Variants in NAV2 observed in about 807,000 individuals in gnomAD.
The protein encoded by NAV2 is helicase, APC down-regulated 1.
Under a neutral mutation model 223.2 loss-of-function variants are expected in NAV2, and 54 were observed. The observed-to-expected ratio is 0.24, with a 90% CI of 0.19 to 0.30. NAV2 has a LOEUF of 0.30. Among genes scored for constraint, NAV2 ranks in the 10% least tolerant of loss-of-function variants. The pLI, the probability that NAV2 is intolerant of heterozygous loss-of-function variation, is 1.00. For synonymous variants in NAV2, 1,279 were observed against 1,239.3 expected, an observed-to-expected ratio of 1.03 and a Z score of -0.67; for missense variants, 2,806 against 3,147.5, an observed-to-expected ratio of 0.89 and a Z score of 2.60.
chr11:19,431,768 A>C (rs1851045107), intron 1 of NAV2, among the ~76,000 whole-genome samples: 1 of 152,238 alleles, frequency 6.6e-6, no homozygotes, highest in South Asian at 2.1e-4. Context: ...GAAATATAGT[A>C]AGCCAAGATT....
chr11:19,611,864 T>C (rs1170562519), intron 1 of NAV2, among the ~76,000 whole-genome samples: 1 of 152,240 alleles, frequency 6.6e-6, no homozygotes, highest in East Asian at 1.9e-4. Context: ...ACAGCTACAC[T>C]AGGCAGTGCC....
intron 1 of NAV2, among the ~76,000 whole-genome samples, chr11:19,818,634 C>A (rs188118582): frequency 1.3e-5 from 2 of 152,266 alleles, no homozygotes; most frequent in East Asian, 3.9e-4. Context: ...GAAAATGTTA[C>A]AACCAACTCT....
intron 1 of NAV2, among the ~76,000 whole-genome samples, chr11:19,633,281 G>T (rs1011161205): frequency 3.3e-5 from 5 of 152,234 alleles, no homozygotes; most frequent in African/African-American, 7.2e-5. Flanking sequence ...GCAAGTGAAG[G>T]CTTGACCTGG....
chr11:19,655,363 A>G (rs1035938264), intron 1 of NAV2, among the ~76,000 whole-genome samples: 1 of 152,146 alleles, frequency 6.6e-6, no homozygotes, highest in Non-Finnish European at 1.5e-5. Flanking sequence ...AACTAGAAAT[A>G]CCATTTGACC....
At chr11:19,361,451 C>T (rs1853935589) in intron 1 of NAV2, among the ~76,000 whole-genome samples, 1 of 152,040 alleles carries the variant, frequency 6.6e-6, no homozygotes, top group Admixed American at 6.5e-5. Flanking sequence ...TCATTGACTT[C>T]TTGGTCTATC....
chr11:20,077,982 C>A lies in NAV2; in HGVS notation c.5068-11C>A. On this transcript the variant is annotated splice_polypyrimidine_tract_variant and intron_variant, in intron 23 of 37. Transcript: ENST00000349880. Reference sequence around the variant, plus strand: ...ATTTTAGGCTGACCAATAATTTTTTCTGTTCCCTAGGACTCAGAACTGAAT... The same window carrying A: ...ATTTTAGGCTGACCAATAATTTTTTATGTTCCCTAGGACTCAGAACTGAAT... The A allele has an allele frequency of 1.2e-6, 2 of 1,601,968 alleles. No homozygotes were observed. The highest frequency in any genetic ancestry group is 1.7e-6 in the Non-Finnish European group (2 of 1,169,734).
chr11:19,877,472 T>TCTTTTTTTTTTTCTTTTTTCTTTTC (rs2062915172), intron 4 of NAV2, among the ~76,000 whole-genome samples: 1 of 117,838 alleles, frequency 8.5e-6, no homozygotes. Flanking sequence ...TCTTCATTCT[T>TCTTTTTTTTTTTCTTTTTTCTTTTC]TTTTTTTTTT....
At chr11:19,529,093 G>T (rs2043943725) in intron 1 of NAV2, among the ~76,000 whole-genome samples, 1 of 152,136 alleles carries the variant, frequency 6.6e-6, no homozygotes, top group South Asian at 2.1e-4. Flanking sequence ...AGGTCGGAAA[G>T]AACTTAATCT....
In NAV2 at chr11:19,799,501, C is replaced by T. The variant is rs187140261; in HGVS notation, c.268-32983C>T. Among the ~76,000 whole-genome samples, 298 of 139,092 alleles carry T rather than the reference C, an allele frequency of 2.1e-3. 2 individuals carry two copies. The highest frequency in any genetic ancestry group is 7.6e-3 in the African/African-American group (286 of 37,796). The allele number at this position is 139,092 out of a possible 152,430, so 91.2% of individuals were successfully genotyped here. A position where few individuals can be genotyped will look rare whatever the true frequency, so the allele number is the denominator to read the frequency against. On this transcript the variant is annotated intron_variant, in intron 1 of 37. Coordinates refer to ENST00000349880, the MANE Select transcript of NAV2 (RefSeq NM_145117.5). Reference sequence around the variant, plus strand: ...AATCAGTTGCCCTGTACAATGAACCCGGTATCTCCCAAATTAGGTGCTGGG... The same window carrying T: ...AATCAGTTGCCCTGTACAATGAACCTGGTATCTCCCAAATTAGGTGCTGGG...
At chr11:19,397,779 G>C in intron 1 of NAV2, among the ~76,000 whole-genome samples, 1 of 152,262 alleles carries the variant, frequency 6.6e-6, no homozygotes, top group South Asian at 2.1e-4. Context: ...GGTGAGGTAC[G>C]TCTCCCCTCT....
At chr11:20,052,810 G>A (rs147770533) in intron 17 of NAV2, among the ~76,000 whole-genome samples, 1,638 of 152,178 alleles carry the variant, frequency 0.011, 10 homozygotes, top group Middle Eastern at 0.038. Flanking sequence ...CATCCAGTAC[G>A]AACACACTGA....
At chr11:19,754,633 C>T (rs1331350101) in intron 1 of NAV2, among the ~76,000 whole-genome samples, 1 of 152,228 alleles carries the variant, frequency 6.6e-6, no homozygotes, top group Non-Finnish European at 1.5e-5. Flanking sequence ...CATGTGTCTG[C>T]ATGGGCTTTC....
intron 22 of NAV2, among the ~76,000 whole-genome samples, chr11:20,070,399 T>C (rs886247747): frequency 6.6e-6 from 1 of 152,216 alleles, no homozygotes; most frequent in Non-Finnish European, 1.5e-5. Context: ...TAACTTACTT[T>C]CCGGTGAACT....
At chr11:20,095,596 C>T (rs1345229294) in intron 29 of NAV2, 76 bp from the exon 30 acceptor site, 1 of 1,017,892 alleles carries the variant, frequency 9.8e-7, no homozygotes, top group African/African-American at 1.6e-5. Flanking sequence ...AGTTCTAAGG[C>T]AACCTGAGTC....
intron 1 of NAV2, among the ~76,000 whole-genome samples, chr11:19,611,264 G>T (rs2046635131): frequency 6.6e-6 from 1 of 152,102 alleles, no homozygotes; most frequent in East Asian, 1.9e-4. Flanking sequence ...TGGGAATTCT[G>T]GGAGATACAT....
chr11:20,105,513 G>T lies in NAV2; in HGVS notation c.6645-18G>T. 2 of 1,601,652 alleles carry T rather than the reference G, an allele frequency of 1.2e-6. No homozygotes were observed. The highest frequency in any genetic ancestry group is 1.7e-6 in the Non-Finnish European group (2 of 1,172,406). On this transcript the variant is annotated intron_variant, in intron 34 of 37. Transcript: ENST00000349880. ...GATCACCATCATCAGCTTGAAAAGTGTTTCTGACTTCCTCCAGATGGGTGC... is the reference window on the plus strand; with the variant it reads ...GATCACCATCATCAGCTTGAAAAGTTTTTCTGACTTCCTCCAGATGGGTGC...
At chr11:19,477,823 C>T (rs1411256754) in intron 1 of NAV2, among the ~76,000 whole-genome samples, 2 of 152,166 alleles carry the variant, frequency 1.3e-5, no homozygotes, top group Non-Finnish European at 2.9e-5. Flanking sequence ...GAGATTAGGG[C>T]ATTGCCTGAA....
At chr11:19,350,691 T>C (rs150201764), upstream of NAV2, 214 of 499,616 alleles carry the variant, frequency 4.3e-4, 1 homozygote, top group African/African-American at 3.7e-3. Flanking sequence ...ATGAAGCGAG[T>C]CTCAGACCTA....
chr11:20,077,284 G>A (rs2059819731), intron 22 of NAV2, among the ~76,000 whole-genome samples: 1 of 152,108 alleles, frequency 6.6e-6, no homozygotes, highest in Admixed American at 6.5e-5. Context: ...CAAGGAATGG[G>A]AGAAAGGGTT....
Sources: gnomAD v4.1 joint callset for allele counts (sites outside exome capture counted in the v4.1 genomes callset) on GRCh38, gnomAD v4.1.1 for gene constraint, MANE v1.5 for transcripts, NCBI Gene and HGNC (gene_info 2026-07-23, HGNC 2026-07-21) for gene names.